NUDT21: variants seen among roughly 807,000 people sequenced by gnomAD.
NUDT21 encodes cleavage and polyadenylation specificity factor subunit 5.
In NUDT21, 5 loss-of-function variants were observed where a neutral mutation model predicts 29.8. That is an observed-to-expected ratio of 0.17 (90% CI 0.09 to 0.35). The LOEUF (loss-of-function observed/expected upper bound fraction) is 0.35, where lower values mean the gene tolerates loss of function less well. Among genes scored for constraint, NUDT21 ranks in the 10% least tolerant of loss-of-function variants. NUDT21 has a pLI of 1.00. For synonymous variants in NUDT21, 113 were observed against 98.5 expected (o/e 1.15, Z -0.87); for missense variants, 76 against 276.0 (o/e 0.28, Z 5.13).
intron 3 of NUDT21, among the ~76,000 whole-genome samples, chr16:56,444,338 C>T (rs1233074304): frequency 1.3e-5 from 2 of 152,170 alleles, no homozygotes; most frequent in African/African-American, 4.8e-5. Context: ...AATCCCAACA[C>T]TTTGGGAGGC....
rs1371364989 is a variant in NUDT21, at chr16:56,431,416, G to A, written c.*1296C>T. On this transcript the variant is annotated 3_prime_UTR_variant, in exon 7 of 7. Coordinates refer to ENST00000300291, the MANE Select transcript of NUDT21 (RefSeq NM_007006.3). Reference sequence around the variant, plus strand: ...CATGACCCCAACTAAAAAAACTTGAGTGTTTATTAATTGCTCAGCTACACT... The same window carrying A: ...CATGACCCCAACTAAAAAAACTTGAATGTTTATTAATTGCTCAGCTACACT... 6.6e-6 allele frequency: 1 copy of A among 152,158 alleles called. No individual in the cohort carries two copies. The highest frequency in any genetic ancestry group is 1.5e-5 in the Non-Finnish European group (1 of 68,040). The allele number at this position is 152,158 out of a possible 1,614,324, so 9.4% of individuals were successfully genotyped here.
intron 1 of NUDT21, 31 bp from the exon 2 acceptor site, chr16:56,448,020 G>T: frequency 1.9e-6 from 3 of 1,570,152 alleles, no homozygotes; most frequent in South Asian, 1.1e-5. Flanking sequence ...TCTAACATGA[G>T]AACTGAAGAA....
chr16:56,441,837 T>C (rs1472578411), intron 3 of NUDT21, among the ~76,000 whole-genome samples: 2 of 152,250 alleles, frequency 1.3e-5, no homozygotes, highest in Non-Finnish European at 2.9e-5. Flanking sequence ...ATAACTTAAA[T>C]TTCTTCCCAA....
Position 56,451,131 on chromosome 16 carries a change from G to A in NUDT21, c.72C>T (p.Tyr24=), listed in dbSNP as rs550032497. Residue 24 remains tyrosine (Y), a synonymous_variant, in exon 1 of 7, where the codon TAC becomes TAT. Coordinates refer to ENST00000300291, the MANE Select transcript of NUDT21 (RefSeq NM_007006.3). ...PRGVTQFGNK[Y]IQQTKPLTLE... ...GGGTGAGGGGCTTCGTCTGCTGGAT[G>A]TACTTGTTGCCGAACTGAGTGACCC... The A allele has an allele frequency of 3.1e-5, 50 of 1,613,760 alleles. No individual in the cohort carries two copies. The South Asian group carries it at 4.7e-4, about 15-fold the overall frequency.
intron 3 of NUDT21, among the ~76,000 whole-genome samples, chr16:56,445,172 G>C (rs1489711540): frequency 6.6e-6 from 1 of 151,912 alleles, no homozygotes; most frequent in East Asian, 1.9e-4. Context: ...TGACAAGAGA[G>C]AGACTTCGTC....
At chr16:56,448,562 C>T (rs1299801496) in intron 1 of NUDT21, among the ~76,000 whole-genome samples, 1 of 152,198 alleles carries the variant, frequency 6.6e-6, no homozygotes, top group Non-Finnish European at 1.5e-5. Context: ...AACCTATTTA[C>T]TAGCCTTTGG....
chr16:56,434,881 T>G (rs1962077568), intron 4 of NUDT21, 52 bp from the exon 5 acceptor site: 1 of 1,041,484 alleles, frequency 9.6e-7, no homozygotes, highest in African/African-American at 1.6e-5. Flanking sequence ...GCTTCATTTC[T>G]TTACATGTTT....
In NUDT21 at chr16:56,431,316, C is replaced by A. The variant is rs1162551638; in HGVS notation, c.*1396G>T. ...CAAAGGAAACTGGGGCATTTTTGATCATGGAGACTGGTGCTCACCTACCAT... is the reference window on the plus strand; with the variant it reads ...CAAAGGAAACTGGGGCATTTTTGATAATGGAGACTGGTGCTCACCTACCAT... On this transcript the variant is annotated 3_prime_UTR_variant, in exon 7 of 7. Coordinates refer to ENST00000300291, the MANE Select transcript of NUDT21 (RefSeq NM_007006.3). The A allele has an allele frequency of 3.3e-5, 5 of 152,208 alleles. No homozygotes were observed. The highest frequency in any genetic ancestry group is 3.3e-4 in the Admixed American group (5 of 15,276). The allele number at this position is 152,208 out of a possible 1,614,324, so 9.4% of individuals were successfully genotyped here.
At chr16:56,444,953 A>ACAGG (rs566578830) in intron 3 of NUDT21, among the ~76,000 whole-genome samples, 61 of 152,128 alleles carry the variant, frequency 4.0e-4, no homozygotes, top group African/African-American at 1.4e-3. Flanking sequence ...GAAGGCCAAG[A>ACAGG]CAGGCAGATC....
At position 56,434,867 on chromosome 16, in the gene NUDT21, C is replaced by T. The variant is rs201642947; in HGVS notation, c.472-38G>A. ...ATGAATACAACTTTAATATGTATTC[C>T]ATGGCTTCATTTCTTTACATGTTTA... On this transcript the variant is annotated intron_variant, in intron 4 of 6. Coordinates refer to ENST00000300291, the MANE Select transcript of NUDT21 (RefSeq NM_007006.3). The T allele has an allele frequency of 3.3e-6, 4 of 1,201,138 alleles. No individual in the cohort carries two copies. In the East Asian group the frequency reaches 9.3e-5, roughly 28 times the overall value. The allele number at this position is 1,201,138 out of a possible 1,614,324, so 74.4% of individuals were successfully genotyped here.
rs1481144729 is a variant in NUDT21, at chr16:56,451,224, C to T, written c.-22G>A. 1.3e-6 allele frequency: 2 copies of T among 1,561,832 alleles called. No homozygotes were observed. The highest frequency in any genetic ancestry group is 1.8e-5 in the Admixed American group (1 of 55,738). Reference sequence around the variant, plus strand: ...ACATGCTGGCGAGCTCCGGCGCTGACGGCGAGCAGAAAGTGGCAGGCAGGG... The same window carrying T: ...ACATGCTGGCGAGCTCCGGCGCTGATGGCGAGCAGAAAGTGGCAGGCAGGG... On this transcript the variant is annotated 5_prime_UTR_variant, in exon 1 of 7. Transcript: ENST00000300291.
At chr16:56,442,898 T>C (rs1962175550) in intron 3 of NUDT21, among the ~76,000 whole-genome samples, 1 of 152,222 alleles carries the variant, frequency 6.6e-6, no homozygotes, top group Non-Finnish European at 1.5e-5. Context: ...AACATTTTTT[T>C]AATATCCATG....
chr16:56,435,745 A>T (rs1350126303), intron 4 of NUDT21, among the ~76,000 whole-genome samples: 21 of 47,338 alleles, frequency 4.4e-4, no homozygotes, highest in East Asian at 2.9e-3. Flanking sequence ...AAAAAAAATT[A>T]TATATATATA....
chr16:56,434,171 T>G (rs1962067864), intron 6 of NUDT21, among the ~76,000 whole-genome samples, 160 bp downstream of exon 6: 1 of 152,226 alleles, frequency 6.6e-6, no homozygotes, highest in Non-Finnish European at 1.5e-5. Flanking sequence ...ATGGTATTAG[T>G]CACAATTAAT....
chr16:56,439,189 T>A (rs1484586083), intron 4 of NUDT21: 1 of 154,852 alleles, frequency 6.5e-6, no homozygotes, highest in Non-Finnish European at 1.4e-5. Context: ...TTATTTATTT[T>A]TTGAGAAGGA....
At chr16:56,444,586 G>A (rs780879372) in intron 3 of NUDT21, among the ~76,000 whole-genome samples, 1 of 138,330 alleles carries the variant, frequency 7.2e-6, no homozygotes, top group Non-Finnish European at 1.5e-5. Flanking sequence ...GGCGACAAGA[G>A]TGAAACTCCG....
At chr16:56,446,875 A>AT (rs1364566031) in intron 2 of NUDT21, 186 bp from the exon 3 acceptor site, 1 of 465,544 alleles carries the variant, frequency 2.1e-6, no homozygotes, top group Non-Finnish European at 3.8e-6. Context: ...GACTAACAGT[A>AT]TACAAACCCT....
chr16:56,432,504 CG>C lies in NUDT21; in HGVS notation c.*207del, dbSNP rs1276095269. 6 of 412,536 alleles carry C rather than the reference CG, an allele frequency of 1.5e-5. No individual in the cohort carries two copies. Among genetic ancestry groups the C allele is most frequent in the Non-Finnish European group, 1.8e-5 (4 of 224,910 alleles). The allele number at this position is 412,536 out of a possible 1,614,324, so 25.6% of individuals were successfully genotyped here. A position where few individuals can be genotyped will look rare whatever the true frequency, so the allele number is the denominator to read the frequency against. On this transcript the variant is annotated 3_prime_UTR_variant, in exon 7 of 7. Coordinates refer to ENST00000300291, the MANE Select transcript of NUDT21 (RefSeq NM_007006.3). ...TTGTACAAAAAAGTATGAGCAGAACCGAAAGTAAATAAACATTATCACATTT... is the reference window on the plus strand; with the variant it reads ...TTGTACAAAAAAGTATGAGCAGAACCAAAGTAAATAAACATTATCACATTT...
At position 56,429,993 on chromosome 16, in the gene NUDT21, C is replaced by G. The variant is rs1283986289; in HGVS notation, c.*2719G>C. On this transcript the variant is annotated 3_prime_UTR_variant, in exon 7 of 7. Transcript: ENST00000300291. ...CCTGTTGAATTTGAAGTACTTCTACCTCTCACTTCTAATTAAACATGGAAG... is the reference window on the plus strand; with the variant it reads ...CCTGTTGAATTTGAAGTACTTCTACGTCTCACTTCTAATTAAACATGGAAG... The G allele has an allele frequency of 6.6e-6, 1 of 152,102 alleles. No homozygotes were observed. The highest frequency in any genetic ancestry group is 1.5e-5 in the Non-Finnish European group (1 of 68,020). The allele number at this position is 152,102 out of a possible 1,614,324, so 9.4% of individuals were successfully genotyped here.
Sources: gnomAD v4.1 joint callset for allele counts (sites outside exome capture counted in the v4.1 genomes callset) on GRCh38, gnomAD v4.1.1 for gene constraint, MANE v1.5 for transcripts, NCBI Gene and HGNC (gene_info 2026-07-23, HGNC 2026-07-21) for gene names.